Variants in TMC1 observed in about 807,000 individuals in gnomAD.
TMC1 encodes the protein transmembrane channel like 1.
Under a neutral mutation model 105.8 loss-of-function variants are expected in TMC1, and 84 were observed. The ratio of observed to expected loss-of-function variants is 0.79; its 90% CI spans 0.67 to 0.95. The LOEUF is 0.95. TMC1 is among the 40% of genes least tolerant of loss of function. TMC1 has a pLI of 0.00. For synonymous variants in TMC1, 315 were observed against 311.5 expected (o/e 1.01, Z -0.12); for missense variants, 817 against 914.1 (o/e 0.89, Z 1.37).
intron 19 of TMC1, among the ~76,000 whole-genome samples, chr9:72,820,573 T>C (rs1004278529): frequency 5.9e-5 from 9 of 152,248 alleles, no homozygotes; most frequent in Admixed American, 3.3e-4. Context: ...TTAAATTCAC[T>C]AATGATAGTA....
Position 72,833,000 on chromosome 9 carries a change from C to T in TMC1, c.2260+2318C>T, listed in dbSNP as rs149184604. On this transcript the variant is annotated intron_variant, in intron 23 of 23. Transcript: ENST00000297784. ...TTTTTAGATATTTATCTCCAAATTA[C>T]CTAATTTTGTTGTAATTTCTTGACT... 5.3e-4 allele frequency among the ~76,000 whole-genome samples: 81 copies of T among 152,126 alleles called. No individual in the cohort carries two copies. The East Asian group carries it at 0.014, about 25-fold the overall frequency.
intron 23 of TMC1, among the ~76,000 whole-genome samples, chr9:72,831,520 G>A (rs1829040853): frequency 6.6e-6 from 1 of 152,026 alleles, no homozygotes; most frequent in Admixed American, 6.6e-5. Context: ...CATGTGCCAT[G>A]TTGGTGTGCT....
chr9:72,593,724 AAG>A (rs1824676491), intron 2 of TMC1, among the ~76,000 whole-genome samples: 4 of 151,886 alleles, frequency 2.6e-5, no homozygotes, highest in Non-Finnish European at 5.9e-5. Context: ...AAAAAAAAAA[AAG>A]AAGAAGAAGA....
intron 8 of TMC1, among the ~76,000 whole-genome samples, chr9:72,726,849 C>T (rs1390694717): frequency 6.6e-6 from 1 of 152,110 alleles, no homozygotes; most frequent in Non-Finnish European, 1.5e-5. Flanking sequence ...AGAATATAAG[C>T]ACACAGGTAT....
intron 8 of TMC1, among the ~76,000 whole-genome samples, chr9:72,714,317 C>T (rs545133223): frequency 1.3e-5 from 2 of 152,142 alleles, no homozygotes; most frequent in East Asian, 1.9e-4. Flanking sequence ...CCTGGATATC[C>T]TTGTTAATTT....
chr9:72,546,176 C>G (rs182231394), intron 1 of TMC1, among the ~76,000 whole-genome samples: 1 of 151,780 alleles, frequency 6.6e-6, no homozygotes, highest in Admixed American at 6.6e-5. Context: ...GTCTGTAATC[C>G]CAGCTACTTG....
intron 3 of TMC1, among the ~76,000 whole-genome samples, chr9:72,626,260 T>C (rs1419354044): frequency 2.6e-5 from 4 of 152,192 alleles, no homozygotes; most frequent in Non-Finnish European, 5.9e-5. Flanking sequence ...TTATCATTGA[T>C]TGAAGTCACT....
intron 2 of TMC1, among the ~76,000 whole-genome samples, chr9:72,588,653 G>C (rs965723237): frequency 2.2e-4 from 34 of 152,160 alleles, no homozygotes; most frequent in African/African-American, 8.0e-4. Context: ...TCATCAAGGA[G>C]TTGTAGAGGC....
intron 1 of TMC1, among the ~76,000 whole-genome samples, chr9:72,549,482 A>G (rs555626469): frequency 5.2e-4 from 78 of 151,314 alleles, no homozygotes; most frequent in Non-Finnish European, 8.7e-4. Context: ...TCACTCTGTC[A>G]CCCAGGCTGG....
intron 5 of TMC1, among the ~76,000 whole-genome samples, chr9:72,663,710 TTTTC>T (rs1825999866): frequency 6.6e-6 from 1 of 152,184 alleles, no homozygotes; most frequent in African/African-American, 2.4e-5. Context: ...TTAAAAATAT[TTTTC>T]TTTCTTTAGT....
chr9:72,542,417 G>A (rs1405410326), intron 1 of TMC1, among the ~76,000 whole-genome samples: 4 of 151,896 alleles, frequency 2.6e-5, no homozygotes, highest in African/African-American at 7.3e-5. Context: ...CTGAGGTAGC[G>A]CCACTGCACT....
chr9:72,784,379 T>G (rs566905372), intron 13 of TMC1, among the ~76,000 whole-genome samples: 1 of 152,058 alleles, frequency 6.6e-6, no homozygotes, highest in East Asian at 1.9e-4. Flanking sequence ...AATGAGATAC[T>G]ATCTCACACC....
At chr9:72,598,776 C>T (rs1824760199) in intron 2 of TMC1, among the ~76,000 whole-genome samples, 1 of 152,168 alleles carries the variant, frequency 6.6e-6, no homozygotes. Context: ...TGTGAAAATC[C>T]TTCCTACTGT....
At chr9:72,620,836 A>C (rs1004487243) in intron 3 of TMC1, among the ~76,000 whole-genome samples, 9 of 152,174 alleles carry the variant, frequency 5.9e-5, no homozygotes, top group African/African-American at 2.2e-4. Flanking sequence ...ATTTTAAAGA[A>C]ATTAACCTCA....
intron 8 of TMC1, among the ~76,000 whole-genome samples, chr9:72,727,749 G>A (rs1362498675): frequency 1.3e-5 from 2 of 152,136 alleles, no homozygotes; most frequent in African/African-American, 2.4e-5. Flanking sequence ...CACAAGAACA[G>A]TAAGAGTAAG....
intron 2 of TMC1, among the ~76,000 whole-genome samples, chr9:72,613,847 C>T (rs1013562868): frequency 1.3e-4 from 19 of 151,802 alleles, no homozygotes; most frequent in East Asian, 3.9e-4. Context: ...TTACCAATGG[C>T]GAGAAGGAGG....
chr9:72,814,241 G>A (rs544049354), intron 18 of TMC1, among the ~76,000 whole-genome samples: 5 of 152,286 alleles, frequency 3.3e-5, no homozygotes, highest in African/African-American at 1.2e-4. Context: ...CGGGCCAACC[G>A]AGTAAGCATT....
chr9:72,749,286 C>G (rs945457754), intron 10 of TMC1, among the ~76,000 whole-genome samples: 2 of 152,138 alleles, frequency 1.3e-5, no homozygotes, highest in Admixed American at 1.3e-4. Flanking sequence ...ATCCTATATG[C>G]GGGATTTCAT....
At chr9:72,625,243 A>C (rs1243825094) in intron 3 of TMC1, among the ~76,000 whole-genome samples, 1 of 152,150 alleles carries the variant, frequency 6.6e-6, no homozygotes. Context: ...CCCCAGGAAC[A>C]CCCCTGCAGC....
Sources: gnomAD v4.1 joint callset for allele counts (sites outside exome capture counted in the v4.1 genomes callset) on GRCh38, gnomAD v4.1.1 for gene constraint, MANE v1.5 for transcripts, NCBI Gene and HGNC (gene_info 2026-07-23, HGNC 2026-07-21) for gene names.